Variants in CNR1 observed in about 807,000 individuals in gnomAD.
CNR1 encodes cannabinoid receptor 1, also known as cannabinoid receptor 1 (brain).
CNR1 carries 10 observed loss-of-function variants against 23.0 expected under a neutral mutation model. The observed-to-expected ratio is 0.43, with a 90% CI of 0.27 to 0.74. CNR1 has a LOEUF of 0.74. Among genes scored for constraint, CNR1 ranks in the 30% least tolerant of loss-of-function variants. CNR1 has a pLI of 0.19. For missense variants in CNR1, 422 were observed against 618.8 expected, an observed-to-expected ratio of 0.68 and a Z score of 3.37; for synonymous variants, 271 against 255.2, an observed-to-expected ratio of 1.06 and a Z score of -0.59.
intron 1 of CNR1, among the ~76,000 whole-genome samples, chr6:88,150,739 A>T (rs556607917): frequency 1.3e-4 from 20 of 152,224 alleles, no homozygotes; most frequent in African/African-American, 4.8e-4. Context: ...GGCAAAAGCT[A>T]GGTTTGTGGA....
At position 88,143,104 on chromosome 6, in the gene CNR1, A is replaced by G. The variant is rs547727789; in HGVS notation, c.*752T>C. 7 of 152,528 alleles carry G rather than the reference A, an allele frequency of 4.6e-5. No individual in the cohort carries two copies. In the East Asian group the frequency reaches 1.1e-3, roughly 25 times the overall value. The allele number at this position is 152,528 out of a possible 1,614,324, so 9.4% of individuals were successfully genotyped here. ...AGTCCAGAAGATAATGTGTCTTCCT[A>G]TGAAAATGCAGGGCTAATAAATTTT... is the stretch of plus-strand genomic sequence containing the variant. On this transcript the variant is annotated 3_prime_UTR_variant, in exon 2 of 2. Coordinates refer to ENST00000369501, the MANE Select transcript of CNR1 (RefSeq NM_016083.6).
At position 88,143,786 on chromosome 6, in the gene CNR1, A is replaced by G. The variant is rs547443415; in HGVS notation, c.*70T>C. ...GTTAAAAAAATATAACCAAGGAGACAATAGACTCTTCTAGATTTTGAGCTT... is the reference window on the plus strand; with the variant it reads ...GTTAAAAAAATATAACCAAGGAGACGATAGACTCTTCTAGATTTTGAGCTT... On this transcript the variant is annotated 3_prime_UTR_variant, in exon 2 of 2. Coordinates refer to ENST00000369501, the MANE Select transcript of CNR1 (RefSeq NM_016083.6). 4.5e-6 allele frequency: 5 copies of G among 1,119,934 alleles called. No individual in the cohort carries two copies. The highest frequency in any genetic ancestry group is 4.3e-5 in the Admixed American group (2 of 46,990). The allele number at this position is 1,119,934 out of a possible 1,614,324, so 69.4% of individuals were successfully genotyped here. A position where few individuals can be genotyped will look rare whatever the true frequency, so the allele number is the denominator to read the frequency against.
intron 1 of CNR1, among the ~76,000 whole-genome samples, chr6:88,149,174 A>T (rs1189881721): frequency 1.3e-5 from 2 of 152,182 alleles, no homozygotes; most frequent in Non-Finnish European, 2.9e-5. Flanking sequence ...CTATAGAAAT[A>T]AAGGATGCAG....
rs373800202 is a variant in CNR1 at position 88,140,945 on chromosome 6, T to C, written c.*2911A>G. 1.3e-4 allele frequency: 19 copies of C among 150,876 alleles called. No homozygotes were observed. The East Asian group carries it at 3.6e-3, about 29-fold the overall frequency. The allele number at this position is 150,876 out of a possible 1,614,324, so 9.3% of individuals were successfully genotyped here. ...CAGCCCTACTTGTGCAAATGAAACA[T>C]TCTAGGACTGATTCATCATGACTCT... is the stretch of plus-strand genomic sequence containing the variant. On this transcript the variant is annotated 3_prime_UTR_variant, in exon 2 of 2. Coordinates refer to ENST00000369501, the MANE Select transcript of CNR1 (RefSeq NM_016083.6).
At chr6:88,147,392 G>A (rs1777259328) in intron 1 of CNR1, among the ~76,000 whole-genome samples, 1 of 152,154 alleles carries the variant, frequency 6.6e-6, no homozygotes, top group African/African-American at 2.4e-5. Flanking sequence ...GAAAGCATGG[G>A]GAGAGCTACA....
chr6:88,145,155 T>C lies in CNR1; in HGVS notation c.120A>G (p.Lys40=), dbSNP rs1198517111. 1 of 1,614,078 alleles carries C rather than the reference T, an allele frequency of 6.2e-7. No individual in the cohort carries two copies. The highest frequency in any genetic ancestry group is 1.3e-5 in the African/African-American group (1 of 74,928). The change falls in exon 2 of 2, where the codon AAA becomes AAG. Residue 40 remains lysine (K), a synonymous_variant. Transcript: ENST00000369501. ...GGAATTTCTGTGGGAAGTACCCTAATTTGGATGCCATGTCACCTTTGATGT... is the reference window on the plus strand; with the variant it reads ...GGAATTTCTGTGGGAAGTACCCTAACTTGGATGCCATGTCACCTTTGATGT... ...YEDIKGDMAS[K]LGYFPQKFPL...
chr6:88,158,852 T>C (rs1296249947), intron 1 of CNR1, among the ~76,000 whole-genome samples: 1 of 152,202 alleles, frequency 6.6e-6, no homozygotes, highest in Admixed American at 6.5e-5. Flanking sequence ...ACAGAAGATC[T>C]TTATAACTGA....
intron 1 of CNR1, among the ~76,000 whole-genome samples, chr6:88,152,944 A>T (rs1390802210): frequency 6.6e-6 from 1 of 152,226 alleles, no homozygotes; most frequent in Non-Finnish European, 1.5e-5. Context: ...TGCACCTATT[A>T]AAGAAGCAGT....
intron 1 of CNR1, among the ~76,000 whole-genome samples, chr6:88,157,366 G>A (rs79270420): frequency 2.0e-5 from 3 of 152,178 alleles, no homozygotes; most frequent in Non-Finnish European, 4.4e-5. Context: ...TCTATTTGGT[G>A]GACATAGTTC....
chr6:88,148,353 C>A (rs1777322114), intron 1 of CNR1, among the ~76,000 whole-genome samples: 1 of 152,318 alleles, frequency 6.6e-6, no homozygotes, highest in Middle Eastern at 3.4e-3. Context: ...CTACTTCCTC[C>A]CACCCACTAG....
chr6:88,160,637 G>A lies in CNR1; in HGVS notation c.-64+5166C>T, dbSNP rs539681682. On this transcript the variant is annotated intron_variant, in intron 1 of 1. Transcript: ENST00000369501. ...TTTAGTAGAGAAGGGGTTTCACCAC[G>A]TTGGCCAGGCTGGCCTCGAACTCCT... 6.6e-5 allele frequency among the ~76,000 whole-genome samples: 10 copies of A among 152,148 alleles called. No individual in the cohort carries two copies. The South Asian group carries it at 1.5e-3, about 22-fold the overall frequency.
At position 88,140,194 on chromosome 6, in the gene CNR1, T is replaced by A. The variant is rs1316983155; in HGVS notation, c.*3662A>T. 2.0e-5 allele frequency: 3 copies of A among 152,748 alleles called. No individual in the cohort carries two copies. The highest frequency in any genetic ancestry group is 2.9e-5 in the Non-Finnish European group (2 of 68,040). 9.5% of individuals were successfully genotyped at this position (152,748 alleles called of 1,614,324 possible). ...TACAATATTCTTCTAAGAGGAAAAGTAATAATGTTAGATTTACAGACAATA... is the reference window on the plus strand; with the variant it reads ...TACAATATTCTTCTAAGAGGAAAAGAAATAATGTTAGATTTACAGACAATA... On this transcript the variant is annotated 3_prime_UTR_variant, in exon 2 of 2. Transcript: ENST00000369501.
At chr6:88,147,714 C>G (rs1777281930) in intron 1 of CNR1, 1 of 152,210 alleles carries the variant, frequency 6.6e-6, no homozygotes, top group African/African-American at 2.4e-5. Flanking sequence ...TTCTCTGGTC[C>G]TGTTCCTTTT....
intron 1 of CNR1, among the ~76,000 whole-genome samples, chr6:88,156,868 T>A (rs1424689509): frequency 6.6e-6 from 1 of 152,222 alleles, no homozygotes; most frequent in Non-Finnish European, 1.5e-5. Flanking sequence ...TAAACCTGAA[T>A]CTTGGTCTCA....
At chr6:88,159,674 A>C (rs906053294) in intron 1 of CNR1, among the ~76,000 whole-genome samples, 1 of 152,204 alleles carries the variant, frequency 6.6e-6, no homozygotes, top group African/African-American at 2.4e-5. Context: ...GAGACACAAA[A>C]TTCTTTGGCC....
chr6:88,155,785 G>A (rs921023966), intron 1 of CNR1, among the ~76,000 whole-genome samples: 2 of 152,116 alleles, frequency 1.3e-5, no homozygotes, highest in African/African-American at 4.8e-5. Context: ...GCAGTCACTG[G>A]TGCTAATGGC....
rs771844525 is a variant in CNR1, at chr6:88,142,637, C to T, written c.*1219G>A. 22 of 152,472 alleles carry T rather than the reference C, an allele frequency of 1.4e-4. No homozygotes were observed. Among genetic ancestry groups the T allele is most frequent in the Non-Finnish European group, 2.6e-4 (18 of 68,024 alleles). 9.4% of individuals were successfully genotyped at this position (152,472 alleles called of 1,614,324 possible). Reference sequence around the variant, plus strand: ...GTCAGTATTTTTATCAACAAGATTACAGGAAGAACTCAATTTTAGAAACTG... The same window carrying T: ...GTCAGTATTTTTATCAACAAGATTATAGGAAGAACTCAATTTTAGAAACTG... On this transcript the variant is annotated 3_prime_UTR_variant, in exon 2 of 2. Transcript: ENST00000369501.
chr6:88,151,450 C>T (rs1777513048), intron 1 of CNR1, among the ~76,000 whole-genome samples: 1 of 152,102 alleles, frequency 6.6e-6, no homozygotes, highest in South Asian at 2.1e-4. Flanking sequence ...GGTACTTGGG[C>T]AATCAGTCTT....
chr6:88,140,635 G>T lies in CNR1; in HGVS notation c.*3221C>A, dbSNP rs968101772. ...ATCTAATTGTGTGCATGATATGGGTGGTCTCTTTTATGGACATGAAATGGC... is the reference window on the plus strand; with the variant it reads ...ATCTAATTGTGTGCATGATATGGGTTGTCTCTTTTATGGACATGAAATGGC... On this transcript the variant is annotated 3_prime_UTR_variant, in exon 2 of 2. Transcript: ENST00000369501. 1 of 152,364 alleles carries T rather than the reference G, an allele frequency of 6.6e-6. No individual in the cohort carries two copies. Among genetic ancestry groups the T allele is most frequent in the Non-Finnish European group, 1.5e-5 (1 of 68,018 alleles). 9.4% of individuals were successfully genotyped at this position (152,364 alleles called of 1,614,324 possible). A position where few individuals can be genotyped will look rare whatever the true frequency, so the allele number is the denominator to read the frequency against.
Sources: allele counts gnomAD v4.1 joint callset (sites outside exome capture counted in the v4.1 genomes callset), GRCh38; gene constraint gnomAD v4.1.1; transcripts MANE v1.5; gene names NCBI Gene and HGNC (gene_info 2026-07-23, HGNC 2026-07-21).